Variants in RPF1 observed in about 807,000 individuals in gnomAD.
RPF1 encodes the protein ribosome production factor 1 homolog, also known as ribosome production factor 1.
In RPF1, 34 loss-of-function variants were observed where a neutral mutation model predicts 41.9. That is an observed-to-expected ratio of 0.81 (90% CI 0.62 to 1.08). The LOEUF (loss-of-function observed/expected upper bound fraction) is 1.08. Among genes scored for constraint, RPF1 ranks in the 50% least tolerant of loss-of-function variants. The pLI, the probability that RPF1 is intolerant of heterozygous loss-of-function variation, is 0.00. For synonymous variants in RPF1, 140 were observed against 148.9 expected, an observed-to-expected ratio of 0.94 and a Z score of 0.43; for missense variants, 425 against 435.2, an observed-to-expected ratio of 0.98 and a Z score of 0.21.
In RPF1 at chr1:84,482,897, C is replaced by G; in HGVS notation, c.286-18C>G. 6.6e-7 allele frequency: 1 copy of G among 1,512,632 alleles called. No individual in the cohort carries two copies. Among genetic ancestry groups the G allele is most frequent in the Non-Finnish European group, 9.1e-7 (1 of 1,094,050 alleles). 93.7% of individuals were successfully genotyped at this position (1,512,632 alleles called of 1,614,324 possible). On this transcript the variant is annotated intron_variant, in intron 2 of 8. Coordinates refer to ENST00000370654, the MANE Select transcript of RPF1 (RefSeq NM_025065.7). ...ATGTAAAATCCTTCTAAAATGTAAT[C>G]CCTTCTCTTTTACTTAGGCTCCACC...
At chr1:84,479,566 G>T (rs1315448944) in intron 1 of RPF1, 57 bp downstream of exon 1, 1 of 1,522,806 alleles carries the variant, frequency 6.6e-7, no homozygotes, top group South Asian at 1.2e-5. Context: ...CGCTTAGGGC[G>T]GTCGCGGGGC....
At chr1:84,491,186 G>C (rs886969943) in intron 5 of RPF1, among the ~76,000 whole-genome samples, 1 of 152,126 alleles carries the variant, frequency 6.6e-6, no homozygotes, top group African/African-American at 2.4e-5. Flanking sequence ...TAAGAGATTT[G>C]ATAAAGGATA....
At chr1:84,493,587 C>CA (rs202049817) in intron 5 of RPF1, among the ~76,000 whole-genome samples, 37,781 of 129,180 alleles carry the variant, frequency 0.29, 4,841 homozygotes, top group South Asian at 0.4. Flanking sequence ...GAGACCGTCT[C>CA]AAAAAAAAAA....
In RPF1 at chr1:84,479,482, C is replaced by G; in HGVS notation, c.201C>G (p.Phe67Leu). The G allele has an allele frequency of 6.2e-7, 1 of 1,614,170 alleles. No individual in the cohort carries two copies. Among genetic ancestry groups the G allele is most frequent in the Non-Finnish European group, 8.5e-7 (1 of 1,180,000 alleles). The part of the protein sequence containing the change: ...IKNKQRRHLM[F>L]TRWKQQQRKE... ...ACAAACAGCGGCGACACTTAATGTT[C>G]ACGCGGTGGAAACAGCAGCAGCGGA... The change falls in exon 1 of 9, where the codon TTC (phenylalanine) becomes TTG (leucine). Residue 67 changes from phenylalanine to leucine, a missense_variant. Physicochemically the swap from Phe to Leu is conservative, Grantham distance 22 (BLOSUM62 0). Transcript: ENST00000370654.
intron 8 of RPF1, 122 bp from the exon 9 acceptor site, chr1:84,497,307 G>C: frequency 5.5e-6 from 4 of 721,586 alleles, no homozygotes; most frequent in Non-Finnish European, 9.3e-6. Context: ...CACAAACCCG[G>C]TTTTTCAGCA....
At chr1:84,480,453 C>A (rs1681624399) in intron 1 of RPF1, among the ~76,000 whole-genome samples, 1 of 152,188 alleles carries the variant, frequency 6.6e-6, no homozygotes, top group South Asian at 2.1e-4. Context: ...AGCCACCTTG[C>A]AAGCTCTTAC....
At chr1:84,483,225 A>G (rs573093695) in intron 3 of RPF1, 10 of 503,422 alleles carry the variant, frequency 2.0e-5, no homozygotes, top group Non-Finnish European at 3.6e-5. Flanking sequence ...TACATTTGTC[A>G]TATAATCCCT....
rs145419651 is a variant in RPF1 at position 84,479,315 on chromosome 1, G to T, written c.34G>T (p.Gly12Trp). 4.4e-6 allele frequency: 7 copies of T among 1,609,028 alleles called. No individual in the cohort carries two copies. The African/African-American group carries it at 8.0e-5, about 18-fold the overall frequency. ...AKAGDKSSSS[G>W]KKSLKRKAAA... is the part of the protein sequence containing the mutation. ...AGCCGGGGATAAGAGCAGCAGCAGC[G>T]GGAAGAAAAGTCTAAAACGGAAAGC... The change falls in exon 1 of 9, where the codon GGG becomes TGG. Residue 12 changes from glycine to tryptophan, a missense_variant. Coordinates refer to ENST00000370654, the MANE Select transcript of RPF1 (RefSeq NM_025065.7).
chr1:84,497,714 A>T lies in RPF1; in HGVS notation c.*244A>T. ...CTCTTGTTTTTGGGTAACTGTGAAT[A>T]ATTAAGTTGGAATCAAGATTCAGAT... is the stretch of plus-strand genomic sequence containing the variant. On this transcript the variant is annotated 3_prime_UTR_variant, in exon 9 of 9. Transcript: ENST00000370654. The T allele has an allele frequency of 2.6e-6, 1 of 377,894 alleles. No individual in the cohort carries two copies. The highest frequency in any genetic ancestry group is 4.8e-6 in the Non-Finnish European group (1 of 206,832). 23.4% of individuals were successfully genotyped at this position (377,894 alleles called of 1,614,324 possible).
intron 1 of RPF1, 48 bp downstream of exon 1, chr1:84,479,557 G>T (rs781770314): frequency 2.9e-5 from 45 of 1,562,226 alleles, no homozygotes; most frequent in Non-Finnish European, 3.7e-5. Flanking sequence ...TGTTCCTGAC[G>T]CTTAGGGCGG....
At chr1:84,479,616 T>TGTG in intron 1 of RPF1, 107 bp downstream of exon 1, 1 of 1,060,822 alleles carries the variant, frequency 9.4e-7, no homozygotes, top group Non-Finnish European at 1.4e-6. Flanking sequence ...AAGTGTTCTC[T>TGTG]GTGGCTCCGT....
Position 84,490,478 on chromosome 1 carries a change from C to CTTTTT in RPF1, c.616+13_616+17dup. 1.6e-6 allele frequency: 2 copies of CTTTTT among 1,283,100 alleles called. No homozygotes were observed. Among genetic ancestry groups the CTTTTT allele is most frequent in the Non-Finnish European group, 1.1e-6 (1 of 941,942 alleles). 79.5% of individuals were successfully genotyped at this position (1,283,100 alleles called of 1,614,324 possible). A position where few individuals can be genotyped will look rare whatever the true frequency, so the allele number is the denominator to read the frequency against. ...TGAAGATCGTAAAACCCCAAGTATC[C>CTTTTT]TTTTTTTTTTTAAGGAGGTTTTCCT... is the stretch of plus-strand genomic sequence containing the variant. On this transcript the variant is annotated splice_region_variant and intron_variant, in intron 5 of 8. Coordinates refer to ENST00000370654, the MANE Select transcript of RPF1 (RefSeq NM_025065.7).
At chr1:84,497,044 C>T (rs1681953067) in intron 8 of RPF1, among the ~76,000 whole-genome samples, 1 of 151,652 alleles carries the variant, frequency 6.6e-6, no homozygotes, top group African/African-American at 2.4e-5. Flanking sequence ...CTAATCTTTT[C>T]TATTTTTAGT....
rs1681638507 is a variant in RPF1 at position 84,481,030 on chromosome 1, C to T, written c.285+18C>T. 4.7e-6 allele frequency: 7 copies of T among 1,498,480 alleles called. No individual in the cohort carries two copies. The highest frequency in any genetic ancestry group is 1.2e-5 in the South Asian group (1 of 83,916). 92.8% of individuals were successfully genotyped at this position (1,498,480 alleles called of 1,614,324 possible). ...GCGATAAGGTAAATAAAATTTTTAG[C>T]TGTTTGCTTTCTATCTTATATTAGG... On this transcript the variant is annotated intron_variant, in intron 2 of 8. Transcript: ENST00000370654.
At position 84,496,046 on chromosome 1, in the gene RPF1, A is replaced by G. The variant is rs1209139032; in HGVS notation, c.864A>G (p.Ile288Met). The G allele has an allele frequency of 1.2e-6, 2 of 1,606,660 alleles. No homozygotes were observed. Among genetic ancestry groups the G allele is most frequent in the Admixed American group, 1.7e-5 (1 of 58,594 alleles). ...VATFHNQRDYIFFRFHRYIFR... is the reference protein window; with the variant it reads ...VATFHNQRDYMFFRFHRYIFR... ...CATTCCACAATCAACGGGATTACAT[A>G]TTCTTCAGATTTCACAGGTGAGGAA... The change falls in exon 7 of 9, where the codon ATA (isoleucine) becomes ATG (methionine). Residue 288 changes from isoleucine to methionine, a missense_variant. Coordinates refer to ENST00000370654, the MANE Select transcript of RPF1 (RefSeq NM_025065.7).
At chr1:84,497,142 T>A (rs534187927) in intron 8 of RPF1, among the ~76,000 whole-genome samples, 1 of 151,550 alleles carries the variant, frequency 6.6e-6, no homozygotes, top group East Asian at 1.9e-4. Flanking sequence ...AGTGCTGGGA[T>A]TACAGGTGTG....
intron 8 of RPF1, among the ~76,000 whole-genome samples, chr1:84,496,958 A>AAGCTATTCTCCTGCCTCAG (rs1558548055): frequency 2.0e-5 from 3 of 151,944 alleles, no homozygotes; most frequent in Admixed American, 2.0e-4. Flanking sequence ...TGCAACCTCC[A>AAGCTATTCTCCTGCCTCAG]CCTCCCGGGT....
chr1:84,485,290 G>A (rs1221478435), intron 3 of RPF1, among the ~76,000 whole-genome samples: 2 of 151,896 alleles, frequency 1.3e-5, no homozygotes, highest in Non-Finnish European at 2.9e-5. Flanking sequence ...GTAGAGATGG[G>A]GTTTCACCAT....
At chr1:84,484,051 A>AT (rs1291656629) in intron 3 of RPF1, among the ~76,000 whole-genome samples, 2 of 152,230 alleles carry the variant, frequency 1.3e-5, no homozygotes, top group African/African-American at 2.4e-5. Context: ...AATGAAATAA[A>AT]TAAGTTAGAC....
Sources: allele counts gnomAD v4.1 joint callset (sites outside exome capture counted in the v4.1 genomes callset), GRCh38; gene constraint gnomAD v4.1.1; transcripts MANE v1.5; gene names NCBI Gene and HGNC (gene_info 2026-07-23, HGNC 2026-07-21).